The following CACNA1B variants were observed in gnomAD, a reference collection of about 807,000 sequenced individuals.
The protein encoded by CACNA1B is calcium voltage-gated channel subunit alpha1 B, also known as voltage-dependent N-type calcium channel subunit alpha-1B.
In CACNA1B, 70 loss-of-function variants were observed where a neutral mutation model predicts 247.2. That is an observed-to-expected ratio of 0.28 (90% CI 0.23 to 0.35). The LOEUF (loss-of-function observed/expected upper bound fraction) is 0.35, where lower values mean the gene tolerates loss of function less well. CACNA1B is among the 10% of genes least tolerant of loss of function. CACNA1B has a pLI of 1.00. For synonymous variants in CACNA1B, 1,231 were observed against 1,294.4 expected (o/e 0.95, Z 1.05); for missense variants, 2,367 against 3,197.4 (o/e 0.74, Z 6.26).
At chr9:138,064,430 G>A (rs1478083543) in intron 31 of CACNA1B, among the ~76,000 whole-genome samples, 2 of 152,206 alleles carry the variant, frequency 1.3e-5, no homozygotes, top group African/African-American at 4.8e-5. Context: ...TGAGAGACTC[G>A]GGAGGGAGCA....
chr9:137,913,147 C>G lies in CACNA1B; in HGVS notation c.531-33C>G. On this transcript the variant is annotated intron_variant, in intron 3 of 46. Coordinates refer to ENST00000371372, the MANE Select transcript of CACNA1B (RefSeq NM_000718.4). The surrounding 1 kb of genome is among the most constrained non-coding windows in gnomAD (Gnocchi z 5.2). ...CCTCTTCCAGGCTCAATGTGGAAAC[C>G]TTTACTTCCCTTCTTCTCCTTGTTT... The G allele has an allele frequency of 6.3e-7, 1 of 1,585,088 alleles. No homozygotes were observed. Among genetic ancestry groups the G allele is most frequent in the Non-Finnish European group, 8.7e-7 (1 of 1,154,370 alleles).
At chr9:137,908,185 G>A (rs573112022) in intron 3 of CACNA1B, among the ~76,000 whole-genome samples, 18 of 152,306 alleles carry the variant, frequency 1.2e-4, no homozygotes, top group Non-Finnish European at 2.9e-5. Flanking sequence ...AGCTTGTTAA[G>A]TTCTACCAGG....
chr9:138,051,944 G>A lies in CACNA1B; in HGVS notation c.3711-148G>A. 1.7e-6 allele frequency: 1 copy of A among 572,414 alleles called. No homozygotes were observed. The highest frequency in any genetic ancestry group is 2.8e-5 in the Admixed American group (1 of 35,448). 35.5% of individuals were successfully genotyped at this position (572,414 alleles called of 1,614,324 possible). A position where few individuals can be genotyped will look rare whatever the true frequency, so the allele number is the denominator to read the frequency against. ...GTCATGGTGGCCTGTGGCACCTGCA[G>A]GGCAAGGCCTCTCTGCTCCTGGGTC... On this transcript the variant is annotated intron_variant, in intron 24 of 46. Transcript: ENST00000371372. The surrounding 1 kb of genome is among the most constrained non-coding windows in gnomAD (Gnocchi z 4.3).
rs1276317338 is a variant in CACNA1B at position 138,120,803 on chromosome 9, G to T, written c.6411G>T (p.Glu2137Asp). ...FYSCDRFGGR[E>D]PPKPKPSLSS... ...CCTGCGACCGCTTTGGGGGCCGTGA[G>T]CCCCCGAAGCCCAAGCCCTCCCTCA... The change falls in exon 46 of 47, where the codon GAG (glutamate) becomes GAT (aspartate). Residue 2137 changes from glutamate to aspartate, a missense_variant. By Grantham distance (45) the Glu-to-Asp change is conservative. Transcript: ENST00000371372. The T allele has an allele frequency of 6.4e-7, 1 of 1,558,372 alleles. No individual in the cohort carries two copies.
rs1387316531 is a variant in CACNA1B, at chr9:138,012,129, A to G, written c.2161-1000A>G. ...TGAGGGCAGGAGCCATGTGAAGTTC[A>G]GGGCCAGGCACTGCAAGTGGTCACC... On this transcript the variant is annotated intron_variant, in intron 17 of 46. Coordinates refer to ENST00000371372, the MANE Select transcript of CACNA1B (RefSeq NM_000718.4). The surrounding 1 kb of genome is among the most constrained non-coding windows in gnomAD (Gnocchi z 4.2). Among the ~76,000 whole-genome samples the G allele has an allele frequency of 6.6e-6, 1 of 152,214 alleles. No homozygotes were observed. The highest frequency in any genetic ancestry group is 1.9e-4 in the East Asian group (1 of 5,198).
At chr9:137,879,590 A>G (rs1222991934) in intron 2 of CACNA1B, among the ~76,000 whole-genome samples, 2 of 152,236 alleles carry the variant, frequency 1.3e-5, no homozygotes, top group Admixed American at 1.3e-4. Context: ...CTCATCCTCC[A>G]AGTTGTCTTG....
intron 1 of CACNA1B, among the ~76,000 whole-genome samples, 197 bp downstream of exon 1, chr9:137,878,414 G>A (rs2133212523): frequency 6.6e-6 from 1 of 152,152 alleles, no homozygotes; most frequent in African/African-American, 2.4e-5. Context: ...GGCGCGGGGC[G>A]GAGCCCCTCT....
Position 138,102,597 on chromosome 9 carries a change from T to A in CACNA1B, c.5223-114T>A, listed in dbSNP as rs993810756. 5 of 551,436 alleles carry A rather than the reference T, an allele frequency of 9.1e-6. No homozygotes were observed. The African/African-American group carries it at 9.7e-5, about 11-fold the overall frequency. 34.2% of individuals were successfully genotyped at this position (551,436 alleles called of 1,614,324 possible). A position where few individuals can be genotyped will look rare whatever the true frequency, so the allele number is the denominator to read the frequency against. On this transcript the variant is annotated intron_variant, in intron 37 of 46. Coordinates refer to ENST00000371372, the MANE Select transcript of CACNA1B (RefSeq NM_000718.4). The surrounding 1 kb of genome is among the most constrained non-coding windows in gnomAD (Gnocchi z 5.4). ...ACACTTTGATTAACTGGCTCTGTTT[T>A]CTTGTCTGCTTCCTCCCTGCCCCTA...
At chr9:137,978,364 CT>C (rs1468568719) in intron 12 of CACNA1B, among the ~76,000 whole-genome samples, 1 of 145,046 alleles carries the variant, frequency 6.9e-6, no homozygotes, top group Non-Finnish European at 1.5e-5. Flanking sequence ...AGCACCACCC[CT>C]CCCATGAAGG....
At chr9:138,024,752 C>T (rs777723380) in intron 19 of CACNA1B, among the ~76,000 whole-genome samples, 12 of 152,146 alleles carry the variant, frequency 7.9e-5, no homozygotes, top group African/African-American at 2.9e-4. Flanking sequence ...CCTCAGCCTT[C>T]CCAGCCTGAA....
Position 138,050,320 on chromosome 9 carries a change from G to T in CACNA1B, c.3710+1005G>T, listed in dbSNP as rs771894496. Among the ~76,000 whole-genome samples the T allele has an allele frequency of 3.9e-5, 6 of 152,244 alleles. No individual in the cohort carries two copies. The highest frequency in any genetic ancestry group is 8.8e-5 in the Non-Finnish European group (6 of 68,046). Reference sequence around the variant, plus strand: ...AGCCCTTGGTGAGGAGCTTGCTGGTGAGCAGGCTGTCACCAGCGAGGGCTG... The same window carrying T: ...AGCCCTTGGTGAGGAGCTTGCTGGTTAGCAGGCTGTCACCAGCGAGGGCTG... On this transcript the variant is annotated intron_variant, in intron 24 of 46. Coordinates refer to ENST00000371372, the MANE Select transcript of CACNA1B (RefSeq NM_000718.4). The surrounding 1 kb of genome is among the most constrained non-coding windows in gnomAD (Gnocchi z 5.2).
At chr9:138,075,331 C>G (rs1431578067) in intron 34 of CACNA1B, among the ~76,000 whole-genome samples, 1 of 152,148 alleles carries the variant, frequency 6.6e-6, no homozygotes, top group Non-Finnish European at 1.5e-5. Context: ...CAGCCAGATT[C>G]CAGATTTTGG....
At chr9:138,114,763 A>G (rs1961795665) in intron 41 of CACNA1B, among the ~76,000 whole-genome samples, 1 of 152,122 alleles carries the variant, frequency 6.6e-6, no homozygotes, top group South Asian at 2.1e-4. Context: ...GGGCAGTGTC[A>G]TGGTTGTTAT....
At chr9:137,896,964 G>A (rs1236259899) in intron 3 of CACNA1B, among the ~76,000 whole-genome samples, 1 of 152,126 alleles carries the variant, frequency 6.6e-6, no homozygotes, top group Non-Finnish European at 1.5e-5. Context: ...GTTTGTAATA[G>A]CTCGTTTCAT....
chr9:137,906,422 T>TA (rs1389014877), intron 3 of CACNA1B, among the ~76,000 whole-genome samples: 3 of 152,222 alleles, frequency 2.0e-5, no homozygotes, highest in African/African-American at 7.2e-5. Flanking sequence ...CAGGAGCTGT[T>TA]CACTGTCTGG....
rs1473426532 is a variant in CACNA1B at position 138,059,879 on chromosome 9, A to G, written c.4668+142A>G. ...CCTGGACATGTGGAGGCTTCGCTCCAGGGGTGGAGTTTAGGGATTGGGTGT... is the reference window on the plus strand; with the variant it reads ...CCTGGACATGTGGAGGCTTCGCTCCGGGGGTGGAGTTTAGGGATTGGGTGT... On this transcript the variant is annotated intron_variant, in intron 31 of 46. Coordinates refer to ENST00000371372, the MANE Select transcript of CACNA1B (RefSeq NM_000718.4). The surrounding 1 kb of genome is among the most constrained non-coding windows in gnomAD (Gnocchi z 4.2). 1.6e-6 allele frequency: 1 copy of G among 628,302 alleles called. No individual in the cohort carries two copies. The highest frequency in any genetic ancestry group is 2.9e-6 in the Non-Finnish European group (1 of 346,992). The allele number at this position is 628,302 out of a possible 1,614,324, so 38.9% of individuals were successfully genotyped here.
Position 138,011,055 on chromosome 9 carries a change from C to G in CACNA1B, c.2160+978C>G, listed in dbSNP as rs543748938. On this transcript the variant is annotated intron_variant, in intron 17 of 46. Coordinates refer to ENST00000371372, the MANE Select transcript of CACNA1B (RefSeq NM_000718.4). This position sits in a 1 kb window ranked among gnomAD's most constrained non-coding sequence, Gnocchi z 4.2. ...TTTGCTTCTGCTCAGCCTTCTTACT[C>G]CCACGCCTCCAGACCTGGGCCATGG... is the stretch of plus-strand genomic sequence containing the variant. 2.6e-5 allele frequency among the ~76,000 whole-genome samples: 4 copies of G among 152,336 alleles called. No homozygotes were observed. The highest frequency in any genetic ancestry group is 7.2e-5 in the African/African-American group (3 of 41,588).
At chr9:137,949,685 G>A (rs1042895110) in intron 6 of CACNA1B, among the ~76,000 whole-genome samples, 3 of 152,020 alleles carry the variant, frequency 2.0e-5, no homozygotes, top group African/African-American at 4.8e-5. Flanking sequence ...GGCGGTGGCC[G>A]GCAGAGGTGA....
intron 3 of CACNA1B, among the ~76,000 whole-genome samples, chr9:137,906,884 G>C (rs1213656044): frequency 6.6e-6 from 1 of 152,192 alleles, no homozygotes; most frequent in Non-Finnish European, 1.5e-5. Flanking sequence ...ACTCTCCCCT[G>C]GTCTGCATTT....
Sources: allele counts gnomAD v4.1 joint callset (sites outside exome capture counted in the v4.1 genomes callset), GRCh38; gene constraint gnomAD v4.1.1; non-coding constraint Gnocchi (gnomAD v3.1); transcripts MANE v1.5; gene names NCBI Gene and HGNC (gene_info 2026-07-23, HGNC 2026-07-21).